Variants in ADAM19 observed in about 807,000 individuals in gnomAD.
The protein encoded by ADAM19 is disintegrin and metalloproteinase domain-containing protein 19.
In ADAM19, 65 loss-of-function variants were observed where a neutral mutation model predicts 114.7. That is an observed-to-expected ratio of 0.57 (90% confidence interval 0.46 to 0.70). The LOEUF is 0.70. ADAM19 is among the 30% of genes least tolerant of loss of function. ADAM19 has a pLI of 0.00. For synonymous variants in ADAM19, 466 were observed against 460.5 expected, an observed-to-expected ratio of 1.01 and a Z score of -0.15; for missense variants, 1,063 against 1,204.7, an observed-to-expected ratio of 0.88 and a Z score of 1.74.
intron 7 of ADAM19, among the ~76,000 whole-genome samples, chr5:157,516,058 T>C (rs1756081437): frequency 6.6e-6 from 1 of 152,192 alleles, no homozygotes; most frequent in Admixed American, 6.5e-5. Flanking sequence ...TAAATCATGG[T>C]AAAGCAGCCC....
chr5:157,531,607 C>T (rs922461734), intron 4 of ADAM19, among the ~76,000 whole-genome samples: 5 of 151,232 alleles, frequency 3.3e-5, no homozygotes, highest in East Asian at 1.9e-4. Context: ...ATGGAGGCTG[C>T]GGTGAGCCAA....
intron 21 of ADAM19, among the ~76,000 whole-genome samples, chr5:157,486,821 C>T (rs1450374704): frequency 1.3e-5 from 2 of 152,012 alleles, no homozygotes; most frequent in Non-Finnish European, 2.9e-5. Flanking sequence ...ATGCTGAAGC[C>T]CTAACCCTGA....
intron 5 of ADAM19, among the ~76,000 whole-genome samples, chr5:157,526,218 A>AAAGGATACCTCCAACAGTAATT (rs1298654981): frequency 6.6e-6 from 1 of 152,036 alleles, no homozygotes; most frequent in Admixed American, 6.5e-5. Context: ...GTATTTCAAT[A>AAAGGATACCTCCAACAGTAATT]AAGGATACCT....
chr5:157,508,508 T>C (rs192589181), intron 9 of ADAM19, among the ~76,000 whole-genome samples: 135 of 151,394 alleles, frequency 8.9e-4, no homozygotes, highest in African/African-American at 3.2e-3. Context: ...GCTGAGGCAC[T>C]AGAATTGCTT....
At chr5:157,528,224 G>A (rs539387738) in intron 5 of ADAM19, among the ~76,000 whole-genome samples, 7 of 152,198 alleles carry the variant, frequency 4.6e-5, no homozygotes, top group Non-Finnish European at 7.3e-5. Context: ...TTCTTAAGGC[G>A]TGTGTAGTGA....
intron 8 of ADAM19, among the ~76,000 whole-genome samples, chr5:157,511,969 TACCCAGCCAAGTCCG>T (rs1436169552): frequency 6.6e-6 from 1 of 152,212 alleles, no homozygotes; most frequent in Non-Finnish European, 1.5e-5. Context: ...ACAGAGGGGA[TACCCAGCCAAGTCCG>T]AACCTGCCAG....
At position 157,479,444 on chromosome 5, in the gene ADAM19, G is replaced by A; in HGVS notation, c.*1505C>T. The A allele has an allele frequency of 1.0e-6, 1 of 985,970 alleles. No individual in the cohort carries two copies. Among genetic ancestry groups the A allele is most frequent in the Non-Finnish European group, 1.2e-6 (1 of 830,048 alleles). 61.1% of individuals were successfully genotyped at this position (985,970 alleles called of 1,614,324 possible). ...CCTCAGAGGAGTGAGAGTCAGGCCA[G>A]CTCCTGTCCGGAGAGCCACCCAGCA... On this transcript the variant is annotated 3_prime_UTR_variant, in exon 23 of 23. Transcript: ENST00000257527.
chr5:157,509,264 C>A, intron 9 of ADAM19, 37 bp downstream of exon 9: 1 of 1,563,368 alleles, frequency 6.4e-7, no homozygotes, highest in Non-Finnish European at 8.7e-7. Flanking sequence ...GGCTTTGCAG[C>A]CAAGGACAAC....
chr5:157,499,634 G>A lies in ADAM19; in HGVS notation c.1337C>T (p.Ser446Phe). ...EECNNPCCNA[S>F]NCTLRPGAEC... ...CGCCCCCGGCCTCAGGGTACAATTA[G>A]AGGCATTGCAGCAGGGGTTGTTACA... Residue 446 changes from serine (S) to phenylalanine (F), a missense_variant, in exon 13 of 23, where the codon TCT becomes TTT. By Grantham distance (155) the Ser-to-Phe change is radical. This residue lies in a region of ADAM19 where 615 missense variants were observed against 706.3 expected (regional missense o/e 0.87). Transcript: ENST00000257527. 12 of 1,613,132 alleles carry A rather than the reference G, an allele frequency of 7.4e-6. No individual in the cohort carries two copies. The highest frequency in any genetic ancestry group is 1.0e-5 in the Non-Finnish European group (12 of 1,179,680).
intron 13 of ADAM19, 63 bp downstream of exon 13, chr5:157,499,509 CA>C: frequency 7.1e-7 from 1 of 1,403,448 alleles, no homozygotes; most frequent in Non-Finnish European, 1.0e-6. Context: ...TCCACCCCAG[CA>C]GAGCAGTCCT....
At chr5:157,564,320 C>T (rs1264779199) in intron 3 of ADAM19, 53 bp downstream of exon 3, 61 of 1,525,628 alleles carry the variant, frequency 4.0e-5, no homozygotes, top group South Asian at 1.3e-4. Flanking sequence ...CTGCGTCCGG[C>T]GTTGACACAG....
intron 3 of ADAM19, among the ~76,000 whole-genome samples, chr5:157,540,917 C>G (rs903256407): frequency 1.3e-5 from 2 of 152,224 alleles, no homozygotes; most frequent in African/African-American, 4.8e-5. Flanking sequence ...ACCTAATCAC[C>G]CTTTCTGAAG....
At chr5:157,511,207 T>C (rs918082491) in intron 8 of ADAM19, among the ~76,000 whole-genome samples, 2 of 152,144 alleles carry the variant, frequency 1.3e-5, no homozygotes, top group African/African-American at 2.4e-5. Flanking sequence ...AAAAGCCCCA[T>C]GTATGGAGAG....
At chr5:157,562,983 G>A (rs1757551195) in intron 3 of ADAM19, among the ~76,000 whole-genome samples, 1 of 152,090 alleles carries the variant, frequency 6.6e-6, no homozygotes, top group South Asian at 2.1e-4. Context: ...GGCAACAACA[G>A]GGAACACTTA....
chr5:157,525,305 G>C (rs1229400437), intron 5 of ADAM19, among the ~76,000 whole-genome samples: 1 of 152,140 alleles, frequency 6.6e-6, no homozygotes, highest in Admixed American at 6.5e-5. Context: ...TCTTCTCCAG[G>C]GCTGGCTGTG....
intron 7 of ADAM19, 95 bp downstream of exon 7, chr5:157,518,728 A>C: frequency 4.9e-6 from 5 of 1,024,768 alleles, no homozygotes. Context: ...CTGGAGAAAG[A>C]TGAATGGGCA....
At chr5:157,520,294 C>T (rs1756245577) in intron 5 of ADAM19, among the ~76,000 whole-genome samples, 1 of 148,300 alleles carries the variant, frequency 6.7e-6, no homozygotes, top group African/African-American at 2.5e-5. Context: ...CCCACCCAAC[C>T]ACCACCACCA....
intron 5 of ADAM19, among the ~76,000 whole-genome samples, chr5:157,522,493 A>G (rs1284746090): frequency 6.6e-6 from 1 of 152,198 alleles, no homozygotes; most frequent in African/African-American, 2.4e-5. Flanking sequence ...CAATCATGAT[A>G]GTCCTGTAGA....
intron 21 of ADAM19, among the ~76,000 whole-genome samples, chr5:157,486,605 C>T (rs574074847): frequency 4.6e-5 from 7 of 152,142 alleles, no homozygotes; most frequent in East Asian, 1.9e-4. Flanking sequence ...GTGAGGCTGG[C>T]CCCGTGTTCT....
Sources: allele counts gnomAD v4.1 joint callset (sites outside exome capture counted in the v4.1 genomes callset), GRCh38; gene constraint gnomAD v4.1.1; regional missense constraint gnomAD v4.1.1; transcripts MANE v1.5; gene names NCBI Gene and HGNC (gene_info 2026-07-23, HGNC 2026-07-21).